The following PPP1R12B variants were observed in gnomAD, a reference collection of about 807,000 sequenced individuals.
PPP1R12B encodes the protein protein phosphatase 1 regulatory subunit 12B.
PPP1R12B carries 76 observed loss-of-function variants against 126.1 expected under a neutral mutation model. The ratio of observed to expected loss-of-function variants is 0.60; its 90% CI spans 0.50 to 0.73. The LOEUF (loss-of-function observed/expected upper bound fraction) is 0.73, where lower values mean the gene tolerates loss of function less well. Ranked by LOEUF, PPP1R12B falls within the 30% of genes least tolerant of loss-of-function variation. The probability of loss-of-function intolerance (pLI) is 0.00; values close to 1 mark genes in which losing one functional copy is unlikely to be tolerated. For synonymous variants in PPP1R12B, 356 were observed against 434.7 expected (o/e 0.82, Z 2.25); for missense variants, 1,052 against 1,205.1 (o/e 0.87, Z 1.88).
intron 1 of PPP1R12B, among the ~76,000 whole-genome samples, chr1:202,384,630 A>G (rs558612439): frequency 2.6e-5 from 4 of 152,200 alleles, no homozygotes; most frequent in Non-Finnish European, 5.9e-5. Context: ...ATTGCATAGG[A>G]TGATGGTTGC....
intron 18 of PPP1R12B, among the ~76,000 whole-genome samples, chr1:202,552,940 T>C (rs1235407701): frequency 2.0e-5 from 3 of 152,198 alleles, no homozygotes; most frequent in African/African-American, 7.2e-5. Context: ...TAAAAGTTTT[T>C]GTGGGGATTT....
Position 202,581,589 on chromosome 1 carries a change from A to G in PPP1R12B, c.*1029A>G, listed in dbSNP as rs1689551512. 6.6e-6 allele frequency: 1 copy of G among 152,232 alleles called. No individual in the cohort carries two copies. The highest frequency in any genetic ancestry group is 1.5e-5 in the Non-Finnish European group (1 of 68,050). The allele number at this position is 152,232 out of a possible 1,614,324, so 9.4% of individuals were successfully genotyped here. On this transcript the variant is annotated 3_prime_UTR_variant, in exon 24 of 24. Coordinates refer to ENST00000608999, the MANE Select transcript of PPP1R12B (RefSeq NM_002481.4). The stretch of plus-strand genomic sequence containing the variant: ...CCCTGACACCTGCTTCTAATGAGAA[A>G]TGAAGTCAGTGCAAGGAGGAATGAG...
intron 14 of PPP1R12B, among the ~76,000 whole-genome samples, chr1:202,491,617 C>T (rs1370455712): frequency 6.6e-6 from 1 of 151,930 alleles, no homozygotes; most frequent in Non-Finnish European, 1.5e-5. Flanking sequence ...GGAATGATTT[C>T]AAGTTTGTTT....
chr1:202,381,560 T>C (rs1453075144), intron 1 of PPP1R12B, among the ~76,000 whole-genome samples: 6 of 152,094 alleles, frequency 3.9e-5, no homozygotes, highest in East Asian at 3.9e-4. Flanking sequence ...TCAGTGTTTT[T>C]CCTAAGCTAA....
chr1:202,468,221 T>G (rs1474706080), intron 13 of PPP1R12B, among the ~76,000 whole-genome samples: 1 of 152,194 alleles, frequency 6.6e-6, no homozygotes, highest in African/African-American at 2.4e-5. Context: ...AGAAGCTCTT[T>G]AGTTTAATTA....
chr1:202,422,107 A>AT (rs2148635019), intron 2 of PPP1R12B, among the ~76,000 whole-genome samples: 1 of 152,356 alleles, frequency 6.6e-6, no homozygotes, highest in Non-Finnish European at 1.5e-5. Context: ...GAATTTAATT[A>AT]TTTAACATTT....
chr1:202,381,334 C>A (rs1327214389), intron 1 of PPP1R12B, among the ~76,000 whole-genome samples: 1 of 150,804 alleles, frequency 6.6e-6, no homozygotes, highest in African/African-American at 2.4e-5. Context: ...TTGACCTGAT[C>A]TAGATATCTG....
chr1:202,392,427 C>G (rs1001961775), intron 1 of PPP1R12B, among the ~76,000 whole-genome samples: 4 of 151,950 alleles, frequency 2.6e-5, no homozygotes, highest in African/African-American at 9.7e-5. Flanking sequence ...AGGGAAATCT[C>G]TGGAGTGGGA....
chr1:202,488,569 G>A lies in PPP1R12B; in HGVS notation c.1887G>A (p.Glu629=). ...YLTPVRDEEA[E]SLRKARSRQA... is the part of the protein sequence containing the mutation. ...CTCCTGTACGGGATGAGGAAGCAGA[G>A]TCTTTACGGAAAGCACGCTCCAGAC... The change falls in exon 14 of 24, where the codon GAG becomes GAA. Residue 629 remains glutamate, a synonymous_variant. Transcript: ENST00000608999. 3.7e-6 allele frequency: 6 copies of A among 1,612,952 alleles called. No homozygotes were observed. The African/African-American group carries it at 4.0e-5, about 11-fold the overall frequency.
At chr1:202,359,553 G>A (rs893932637) in intron 1 of PPP1R12B, among the ~76,000 whole-genome samples, 2 of 151,994 alleles carry the variant, frequency 1.3e-5, no homozygotes, top group Non-Finnish European at 2.9e-5. Context: ...GCCAAGGCAG[G>A]TGAATCACCG....
rs1265619261 is a variant in PPP1R12B, at chr1:202,419,778, A to G, written c.423-2842A>G. On this transcript the variant is annotated intron_variant, in intron 2 of 23. Coordinates refer to ENST00000608999, the MANE Select transcript of PPP1R12B (RefSeq NM_002481.4). This position sits in a 1 kb window ranked among gnomAD's most constrained non-coding sequence, Gnocchi z 4.6. ...TAATGAGGAAGACCCAGTTGTTGCT[A>G]TTAACCAAAAACTATCTGAGGCAGG... 2.0e-5 allele frequency among the ~76,000 whole-genome samples: 3 copies of G among 152,230 alleles called. No individual in the cohort carries two copies. The highest frequency in any genetic ancestry group is 4.4e-5 in the Non-Finnish European group (3 of 68,030).
At chr1:202,523,896 G>A (rs1281327778) in intron 18 of PPP1R12B, among the ~76,000 whole-genome samples, 1 of 152,034 alleles carries the variant, frequency 6.6e-6, no homozygotes, top group Non-Finnish European at 1.5e-5. Flanking sequence ...TGTATTTTTA[G>A]TAGAGATGGG....
chr1:202,497,094 T>A (rs1000668693), intron 18 of PPP1R12B, among the ~76,000 whole-genome samples: 5 of 152,228 alleles, frequency 3.3e-5, no homozygotes, highest in Admixed American at 3.3e-4. Flanking sequence ...ATTTTCTCTC[T>A]TGTATGTTAT....
intron 23 of PPP1R12B, chr1:202,575,589 T>G (rs1163071370): frequency 2.0e-5 from 3 of 153,522 alleles, no homozygotes; most frequent in African/African-American, 4.8e-5. Context: ...CAACTGGGGT[T>G]GGGCCTTGGG....
At chr1:202,415,236 T>A (rs911871659) in intron 1 of PPP1R12B, among the ~76,000 whole-genome samples, 2 of 152,224 alleles carry the variant, frequency 1.3e-5, no homozygotes, top group Non-Finnish European at 2.9e-5. Flanking sequence ...TTTTATTTTT[T>A]TAACTGTATG....
chr1:202,431,631 A>G lies in PPP1R12B; in HGVS notation c.1141+12A>G. 1 of 1,600,818 alleles carries G rather than the reference A, an allele frequency of 6.2e-7. No individual in the cohort carries two copies. The highest frequency in any genetic ancestry group is 2.3e-5 in the East Asian group (1 of 44,444). On this transcript the variant is annotated intron_variant, in intron 8 of 23. Transcript: ENST00000608999. ...TGAGAAGGAGGCAGGTAATGCAAAG[A>G]TGTTCATAGTGAAGATCCTCTATCT...
chr1:202,439,518 G>A, intron 10 of PPP1R12B: 1 of 1,533,762 alleles, frequency 6.5e-7, no homozygotes, highest in Non-Finnish European at 8.9e-7. Flanking sequence ...GGCGACTGCT[G>A]TTGCCTTGGG....
chr1:202,353,786 A>T (rs191518675), intron 1 of PPP1R12B, among the ~76,000 whole-genome samples: 2 of 151,920 alleles, frequency 1.3e-5, no homozygotes, highest in Non-Finnish European at 2.9e-5. Flanking sequence ...AATTTTTAAA[A>T]TTTTTTGTAG....
At chr1:202,484,790 C>T (rs1677854276) in intron 13 of PPP1R12B, among the ~76,000 whole-genome samples, 1 of 152,020 alleles carries the variant, frequency 6.6e-6, no homozygotes, top group Admixed American at 6.5e-5. Flanking sequence ...ATTTTTTTCC[C>T]CCAAACACTC....
Sources: allele counts gnomAD v4.1 joint callset (sites outside exome capture counted in the v4.1 genomes callset), GRCh38; gene constraint gnomAD v4.1.1; non-coding constraint Gnocchi (gnomAD v3.1); transcripts MANE v1.5; gene names NCBI Gene and HGNC (gene_info 2026-07-23, HGNC 2026-07-21).